MYCBP2: variants seen among roughly 807,000 people sequenced by gnomAD.
MYCBP2 encodes the protein E3 ubiquitin-protein ligase MYCBP2.
A neutral mutation model predicts 525.3 loss-of-function variants in MYCBP2; 120 were observed. The observed-to-expected ratio is 0.23, with a 90% CI of 0.20 to 0.27. The LOEUF (loss-of-function observed/expected upper bound fraction) is 0.27, where lower values mean the gene tolerates loss of function less well. Among genes scored for constraint, MYCBP2 ranks in the 10% least tolerant of loss-of-function variants. MYCBP2 has a pLI of 1.00. For synonymous variants in MYCBP2, 1,894 were observed against 1,955.8 expected, an observed-to-expected ratio of 0.97 and a Z score of 0.83; for missense variants, 4,149 against 5,657.1, an observed-to-expected ratio of 0.73 and a Z score of 8.55.
chr13:77,320,169 G>A (rs902489511), intron 1 of MYCBP2, among the ~76,000 whole-genome samples: 1 of 152,176 alleles, frequency 6.6e-6, no homozygotes, highest in African/African-American at 2.4e-5. Flanking sequence ...AACTGCCCCT[G>A]AAGAGGAGGC....
In MYCBP2 at chr13:77,058,524, C is replaced by A; in HGVS notation, c.13141-118G>T. 4.3e-6 allele frequency: 3 copies of A among 700,942 alleles called. No homozygotes were observed. Among genetic ancestry groups the A allele is most frequent in the South Asian group, 3.2e-5 (1 of 31,418 alleles). 43.4% of individuals were successfully genotyped at this position (700,942 alleles called of 1,614,324 possible). A position where few individuals can be genotyped will look rare whatever the true frequency, so the allele number is the denominator to read the frequency against. Reference sequence around the variant, plus strand: ...TCCCACAGGAAGTATCTATGCAGGCCAAGTAACAACAAAGTAAAGTTATTT... The same window carrying A: ...TCCCACAGGAAGTATCTATGCAGGCAAAGTAACAACAAAGTAAAGTTATTT... On this transcript the variant is annotated intron_variant, in intron 77 of 82. Transcript: ENST00000544440. This position sits in a 1 kb window ranked among gnomAD's most constrained non-coding sequence, Gnocchi z 4.1.
chr13:77,055,919 A>C, intron 79 of MYCBP2, 152 bp from the exon 80 acceptor site: 1 of 637,294 alleles, frequency 1.6e-6, no homozygotes, highest in Non-Finnish European at 2.6e-6. Context: ...ACATTCTGTA[A>C]ATTCTTTAGA....
intron 13 of MYCBP2, 127 bp from the exon 14 acceptor site, chr13:77,257,956 G>T: frequency 1.5e-6 from 1 of 683,060 alleles, no homozygotes; most frequent in Non-Finnish European, 2.3e-6. Context: ...GAAATAAGTA[G>T]CCAAAAGACT....
chr13:77,066,698 C>T (rs1448879328), intron 71 of MYCBP2, among the ~76,000 whole-genome samples: 3 of 152,106 alleles, frequency 2.0e-5, no homozygotes, highest in Non-Finnish European at 4.4e-5. Flanking sequence ...AAACAGATAT[C>T]CAAAAAGGCT....
intron 55 of MYCBP2, among the ~76,000 whole-genome samples, chr13:77,120,016 T>C (rs957193977): frequency 2.6e-5 from 4 of 152,220 alleles, no homozygotes. Flanking sequence ...TTTATTTTAA[T>C]GATATTTTAA....
intron 15 of MYCBP2, among the ~76,000 whole-genome samples, chr13:77,245,443 G>A (rs868143546): frequency 1.4e-4 from 21 of 152,152 alleles, no homozygotes; most frequent in African/African-American, 5.1e-4. Context: ...GAATGAGTTC[G>A]TGTTCTTTGC....
chr13:77,087,014 T>C (rs1480431871), intron 62 of MYCBP2, among the ~76,000 whole-genome samples: 1 of 152,138 alleles, frequency 6.6e-6, no homozygotes, highest in African/African-American at 2.4e-5. Context: ...TTACAACCAT[T>C]GTTGAGGGTC....
At position 77,081,167 on chromosome 13, in the gene MYCBP2, T is replaced by G; in HGVS notation, c.11418+260A>C. On this transcript the variant is annotated intron_variant, in intron 65 of 82. Transcript: ENST00000544440. The surrounding 1 kb of genome is among the most constrained non-coding windows in gnomAD (Gnocchi z 4.6). ...AACCAAGGGAATGGCAGCAGAAAATTGTAGAGCAGACTTTCATTTTGCTTA... is the reference window on the plus strand; with the variant it reads ...AACCAAGGGAATGGCAGCAGAAAATGGTAGAGCAGACTTTCATTTTGCTTA... 1 of 364,940 alleles carries G rather than the reference T, an allele frequency of 2.7e-6. No individual in the cohort carries two copies. The allele number at this position is 364,940 out of a possible 1,614,324, so 22.6% of individuals were successfully genotyped here.
At chr13:77,208,046 TC>T (rs1175399131) in intron 23 of MYCBP2, among the ~76,000 whole-genome samples, 1 of 151,744 alleles carries the variant, frequency 6.6e-6, no homozygotes, top group Non-Finnish European at 1.5e-5. Context: ...AATTCACTGT[TC>T]CCTCTACCCC....
intron 68 of MYCBP2, 100 bp downstream of exon 68, chr13:77,076,650 GT>G: frequency 1.5e-6 from 1 of 662,130 alleles, no homozygotes. Flanking sequence ...GCATAAAACT[GT>G]TATTACATAT....
At chr13:77,295,757 T>C (rs2078123195) in intron 2 of MYCBP2, among the ~76,000 whole-genome samples, 1 of 152,198 alleles carries the variant, frequency 6.6e-6, no homozygotes, top group Non-Finnish European at 1.5e-5. Flanking sequence ...ATGTTCAGTA[T>C]AAAAAAGATG....
At chr13:77,243,260 A>G in intron 16 of MYCBP2, 100 bp from the exon 17 acceptor site, 1 of 899,894 alleles carries the variant, frequency 1.1e-6, no homozygotes, top group Non-Finnish European at 1.8e-6. Context: ...GCTAGCAAAA[A>G]CATTGTCTAA....
intron 73 of MYCBP2, among the ~76,000 whole-genome samples, chr13:77,064,311 C>T (rs2039850134): frequency 6.6e-6 from 1 of 152,196 alleles, no homozygotes. Flanking sequence ...TGGTAAACTA[C>T]AGCAAACAGA....
intron 41 of MYCBP2, among the ~76,000 whole-genome samples, chr13:77,165,603 G>A (rs571316543): frequency 4.6e-5 from 7 of 152,074 alleles, no homozygotes; most frequent in Non-Finnish European, 1.0e-4. Context: ...CAGGTCTATC[G>A]CAAATGAATT....
chr13:77,142,251 TA>T (rs2154185074), intron 49 of MYCBP2, among the ~76,000 whole-genome samples: 1 of 152,352 alleles, frequency 6.6e-6, no homozygotes, highest in South Asian at 2.1e-4. Context: ...TTGCGTGTTT[TA>T]TTTTCACAAT....
Position 77,083,154 on chromosome 13 carries a change from G to A in MYCBP2, c.10914C>T (p.Asp3638=), listed in dbSNP as rs528160449. 1 of 1,613,414 alleles carries A rather than the reference G, an allele frequency of 6.2e-7. No individual in the cohort carries two copies. The highest frequency in any genetic ancestry group is 8.5e-7 in the Non-Finnish European group (1 of 1,179,554). ...DTRVCEHPLS[D]IVIAGEAAHP... is the part of the protein sequence containing the mutation. ...GAGCAGCTTCCCCGGCAATCACTAT[G>A]TCTGAGAGTGGATGTTCACATACTC... The change falls in exon 63 of 83, where the codon GAC becomes GAT. Residue 3638 remains aspartate, a synonymous_variant. Coordinates refer to ENST00000544440, the MANE Select transcript of MYCBP2 (RefSeq NM_015057.5).
intron 34 of MYCBP2, among the ~76,000 whole-genome samples, chr13:77,178,220 GCTTGT>G (rs2059897258): frequency 6.6e-6 from 1 of 152,164 alleles, no homozygotes; most frequent in Non-Finnish European, 1.5e-5. Context: ...AGAAGTACAA[GCTTGT>G]CTTATCAGTC....
intron 41 of MYCBP2, 56 bp from the exon 42 acceptor site, chr13:77,165,447 CCT>C: frequency 7.7e-7 from 1 of 1,301,628 alleles, no homozygotes; most frequent in Non-Finnish European, 1.1e-6. Context: ...TAAAAATTTC[CCT>C]GTCTTTTATC....
At chr13:77,078,924 T>C (rs939364277) in intron 65 of MYCBP2, 35 bp from the exon 66 acceptor site, 1 of 1,533,538 alleles carries the variant, frequency 6.5e-7, no homozygotes, top group South Asian at 1.1e-5. Context: ...TAATATGCTA[T>C]ATTCCTGCTT....
Sources: gnomAD v4.1 joint callset for allele counts (sites outside exome capture counted in the v4.1 genomes callset) on GRCh38, gnomAD v4.1.1 for gene constraint, Gnocchi (gnomAD v3.1) non-coding constraint, MANE v1.5 for transcripts, NCBI Gene and HGNC (gene_info 2026-07-23, HGNC 2026-07-21) for gene names.